NOX5: variants seen among roughly 807,000 people sequenced by gnomAD.
NOX5 encodes NADPH oxidase 5.
In NOX5, 76 loss-of-function variants were observed where a neutral mutation model predicts 85.7. That is an observed-to-expected ratio of 0.89 (90% CI 0.74 to 1.07). NOX5 has a LOEUF of 1.07. Ranked by LOEUF, NOX5 falls within the 50% of genes least tolerant of loss-of-function variation. The probability of loss-of-function intolerance (pLI) is 0.00; values close to 1 mark genes in which losing one functional copy is unlikely to be tolerated. For missense variants in NOX5, 973 were observed against 999.5 expected (o/e 0.97, Z 0.36); for synonymous variants, 405 against 401.4 (o/e 1.01, Z -0.11).
At chr15:69,039,127 G>C in intron 9 of NOX5, 138 bp downstream of exon 9, 1 of 971,406 alleles carries the variant, frequency 1.0e-6, no homozygotes, top group Non-Finnish European at 1.6e-6. Flanking sequence ...TCTCTTTGAA[G>C]TGGGAGCAGG....
chr15:69,038,883 C>T lies in NOX5; in HGVS notation c.1398C>T (p.Pro466=), dbSNP rs1253236995. 6.2e-7 allele frequency: 1 copy of T among 1,614,040 alleles called. No individual in the cohort carries two copies. Among genetic ancestry groups the T allele is most frequent in the Admixed American group, 1.7e-5 (1 of 60,000 alleles). Residue 466 remains proline, a synonymous_variant, in exon 9 of 16, where the codon CCC becomes CCT. Transcript: ENST00000388866. Reference sequence around the variant, plus strand: ...TCACTCATCTCCTCATCAAGCGGCCCCCTTTTTTTCACTATAGACCTGGTG... The same window carrying T: ...TCACTCATCTCCTCATCAAGCGGCCTCCTTTTTTTCACTATAGACCTGGTG... ...SKVTHLLIKR[P]PFFHYRPGDY...
chr15:69,028,685 ATC>A (rs1169935923), intron 3 of NOX5: 1 of 199,196 alleles, frequency 5.0e-6, no homozygotes, highest in East Asian at 1.2e-4. Flanking sequence ...GAAAAAGAAA[ATC>A]TCTGTTGTTT....
chr15:69,051,280 C>A (rs138260432), intron 14 of NOX5, among the ~76,000 whole-genome samples: 1 of 152,180 alleles, frequency 6.6e-6, no homozygotes, highest in Admixed American at 6.5e-5. Flanking sequence ...ATGATAGTCC[C>A]GTGCCACCTG....
At position 69,059,320 on chromosome 15, in the gene NOX5, C is replaced by G. The variant is rs543462689; in HGVS notation, c.*2624C>G. On this transcript the variant is annotated 3_prime_UTR_variant, in exon 16 of 16. Transcript: ENST00000388866. Reference sequence around the variant, plus strand: ...TGTTTCCCAGGAAGTGAGACTGGTCCGTGAGTGGCAGTTAATCAAAGGGAA... The same window carrying G: ...TGTTTCCCAGGAAGTGAGACTGGTCGGTGAGTGGCAGTTAATCAAAGGGAA... 3 of 152,206 alleles carry G rather than the reference C, an allele frequency of 2.0e-5. No homozygotes were observed. Among genetic ancestry groups the G allele is most frequent in the African/African-American group, 7.2e-5 (3 of 41,524 alleles). 9.4% of individuals were successfully genotyped at this position (152,206 alleles called of 1,614,324 possible). A position where few individuals can be genotyped will look rare whatever the true frequency, so the allele number is the denominator to read the frequency against.
At position 69,042,781 on chromosome 15, in the gene NOX5, G is replaced by T. The variant is rs756943834; in HGVS notation, c.1623G>T (p.Met541Ile). ...GSKRLSRSVT[M>I]RKSQRSSKGS... The stretch of plus-strand genomic sequence containing the variant: ...AGAGGCTGTCGAGGAGTGTGACAAT[G>T]AGAAAGAGTCAAAGGTCGTCCAAGG... The change falls in exon 10 of 16, where the codon ATG becomes ATT. Residue 541 changes from methionine to isoleucine, a missense_variant. Coordinates refer to ENST00000388866, the MANE Select transcript of NOX5 (RefSeq NM_024505.4). 16 of 1,614,108 alleles carry T rather than the reference G, an allele frequency of 9.9e-6. No individual in the cohort carries two copies. The highest frequency in any genetic ancestry group is 1.4e-5 in the Non-Finnish European group (16 of 1,179,994).
intron 10 of NOX5, among the ~76,000 whole-genome samples, chr15:69,045,670 T>A: frequency 6.6e-6 from 1 of 151,478 alleles, no homozygotes; most frequent in Admixed American, 6.6e-5. Context: ...TCTCTTTCTT[T>A]CTTTCACTCT....
intron 3 of NOX5, chr15:69,030,489 A>G (rs1055520958): frequency 6.6e-6 from 1 of 152,188 alleles, no homozygotes; most frequent in Non-Finnish European, 1.5e-5. Context: ...GCACATGAGA[A>G]TTATTGTGAG....
At chr15:69,040,527 G>A (rs1430359360) in intron 9 of NOX5, among the ~76,000 whole-genome samples, 2 of 152,184 alleles carry the variant, frequency 1.3e-5, no homozygotes, top group East Asian at 3.9e-4. Flanking sequence ...ATGTCATGGA[G>A]ATCTTTGCAT....
At chr15:69,024,606 A>G (rs2050333358) in intron 1 of NOX5, among the ~76,000 whole-genome samples, 1 of 152,160 alleles carries the variant, frequency 6.6e-6, no homozygotes. Context: ...GTATTACAGT[A>G]TATTGTTATA....
rs1177232943 is a variant in NOX5 at position 69,042,684 on chromosome 15, G to T, written c.1526G>T (p.Arg509Leu). Residue 509 changes from arginine (R) to leucine (L), a missense_variant, in exon 10 of 16, where the codon CGG becomes CTG. By Grantham distance (102) the Arg-to-Leu change is moderately radical (BLOSUM62 -2). Coordinates refer to ENST00000388866, the MANE Select transcript of NOX5 (RefSeq NM_024505.4). ...EQKDTIWLHI[R>L]SQGQWTNRLY... is the part of the protein sequence containing the mutation. The stretch of plus-strand genomic sequence containing the variant: ...TCAGACACTATCTGGCTGCACATTC[G>T]GTCCCAAGGCCAGTGGACAAACAGG... 6.2e-7 allele frequency: 1 copy of T among 1,613,542 alleles called. No individual in the cohort carries two copies. Among genetic ancestry groups the T allele is most frequent in the East Asian group, 2.2e-5 (1 of 44,886 alleles).
At chr15:69,040,744 T>C (rs1054630386) in intron 9 of NOX5, among the ~76,000 whole-genome samples, 1 of 152,108 alleles carries the variant, frequency 6.6e-6, no homozygotes, top group African/African-American at 2.4e-5. Context: ...TGGAGTGCAG[T>C]GGTGTGATCT....
chr15:69,044,944 C>A (rs2050643161), intron 10 of NOX5, among the ~76,000 whole-genome samples: 1 of 152,204 alleles, frequency 6.6e-6, no homozygotes, highest in African/African-American at 2.4e-5. Context: ...GAGCTGACGT[C>A]CTATAGGCCC....
In NOX5 at chr15:69,047,428, C is replaced by A. The variant is rs984996094; in HGVS notation, c.1708C>A (p.Pro570Thr). Residue 570 changes from proline (P) to threonine (T), a missense_variant, in exon 12 of 16, where the codon CCT (proline) becomes ACT (threonine). Physicochemically the swap from Pro to Thr is conservative, Grantham distance 38. Transcript: ENST00000388866. ...FCNIKCYIDG[P>T]YGTPTRRIFA... The stretch of plus-strand genomic sequence containing the variant: ...TTGTGCACAGTGCTACATCGATGGG[C>A]CTTATGGGACCCCCACCCGCAGGAT... 54 of 1,613,474 alleles carry A rather than the reference C, an allele frequency of 3.3e-5. No homozygotes were observed. Among genetic ancestry groups the A allele is most frequent in the Non-Finnish European group, 4.6e-5 (54 of 1,179,866 alleles).
rs2050846050 is a variant in NOX5 at position 69,059,019 on chromosome 15, C to T, written c.*2323C>T. On this transcript the variant is annotated 3_prime_UTR_variant, in exon 16 of 16. Transcript: ENST00000388866. ...GGATTCTTTCCCATCTCTGTCTACA[C>T]CGCCTTAACACATTTGAGCCCTGCC... 2 of 152,272 alleles carry T rather than the reference C, an allele frequency of 1.3e-5. No homozygotes were observed. 9.4% of individuals were successfully genotyped at this position (152,272 alleles called of 1,614,324 possible).
At chr15:69,054,537 G>A (rs76864115) in intron 14 of NOX5, among the ~76,000 whole-genome samples, 1,642 of 152,264 alleles carry the variant, frequency 0.011, 37 homozygotes, top group African/African-American at 0.038. Flanking sequence ...GCTCCCATCC[G>A]AGGATGCGGC....
At position 69,060,182 on chromosome 15, in the gene NOX5, CGAGCGGCACA is replaced by C; in HGVS notation, c.*3487_*3496del. ...ACCAATCAGGCAGGGCCCTCCTGGA[CGAGCGGCACA>C]AGTGCAGGCTATTAATACACTGAGC... On this transcript the variant is annotated 3_prime_UTR_variant, in exon 16 of 16. Transcript: ENST00000388866. 1 of 152,344 alleles carries C rather than the reference CGAGCGGCACA, an allele frequency of 6.6e-6. No individual in the cohort carries two copies. The highest frequency in any genetic ancestry group is 2.4e-5 in the African/African-American group (1 of 41,540). The allele number at this position is 152,344 out of a possible 1,614,324, so 9.4% of individuals were successfully genotyped here.
At position 69,049,063 on chromosome 15, in the gene NOX5, G is replaced by A; in HGVS notation, c.1999+5G>A. 1 of 1,606,662 alleles carries A rather than the reference G, an allele frequency of 6.2e-7. No homozygotes were observed. The highest frequency in any genetic ancestry group is 8.5e-7 in the Non-Finnish European group (1 of 1,175,786). On this transcript the variant is annotated splice_donor_5th_base_variant and intron_variant, in intron 14 of 15. Coordinates refer to ENST00000388866, the MANE Select transcript of NOX5 (RefSeq NM_024505.4). ...AGGCCGAGGAGGCTCAATACGGTAA[G>A]AGAGGGACAGGGCCTGAGGGCAGTA...
intron 1 of NOX5, among the ~76,000 whole-genome samples, chr15:69,025,028 A>G (rs893189454): frequency 6.6e-6 from 1 of 152,138 alleles, no homozygotes; most frequent in African/African-American, 2.4e-5. Context: ...ATCAATTCTC[A>G]TTTATGTTCT....
chr15:69,051,742 T>TG (rs980919285), intron 14 of NOX5, among the ~76,000 whole-genome samples: 2 of 152,200 alleles, frequency 1.3e-5, no homozygotes, highest in African/African-American at 2.4e-5. Context: ...TATATATTTA[T>TG]GGGGGGTGAG....
Sources: gnomAD v4.1 joint callset for allele counts (sites outside exome capture counted in the v4.1 genomes callset) on GRCh38, gnomAD v4.1.1 for gene constraint, MANE v1.5 for transcripts, NCBI Gene and HGNC (gene_info 2026-07-23, HGNC 2026-07-21) for gene names.